NXPE2: variants seen among roughly 807,000 people sequenced by gnomAD.
The protein encoded by NXPE2 is NXPE family member 2.
Under a neutral mutation model 34.4 loss-of-function variants are expected in NXPE2, and 34 were observed. The ratio of observed to expected loss-of-function variants is 0.99; its 90% CI spans 0.75 to 1.31. The LOEUF (loss-of-function observed/expected upper bound fraction) is 1.31, where lower values mean the gene tolerates loss of function less well. Among genes scored for constraint, NXPE2 ranks in the 40% most tolerant of loss-of-function variants. NXPE2 has a pLI of 0.00. For synonymous variants in NXPE2, 235 were observed against 231.3 expected, an observed-to-expected ratio of 1.02 and a Z score of -0.15; for missense variants, 649 against 672.5, an observed-to-expected ratio of 0.97 and a Z score of 0.39.
chr11:114,670,382 TA>T, the NXPE2 span, among the ~76,000 whole-genome samples: 1 of 151,908 alleles, frequency 6.6e-6, no homozygotes, highest in Non-Finnish European at 1.5e-5. Context: ...ACTACTAAAA[TA>T]GCCCAGCCCA....
the NXPE2 span, among the ~76,000 whole-genome samples, chr11:114,515,968 G>A: frequency 6.6e-6 from 1 of 152,210 alleles, no homozygotes; most frequent in Non-Finnish European, 1.5e-5. Flanking sequence ...ATCATTCAGT[G>A]AATATGAGGC....
At chr11:114,774,892 G>C in the NXPE2 span, among the ~76,000 whole-genome samples, 1 of 152,184 alleles carries the variant, frequency 6.6e-6, no homozygotes, top group Non-Finnish European at 1.5e-5. Context: ...AGGACTGTGC[G>C]CTGGTACCTA....
chr11:114,600,588 A>G, the NXPE2 span, among the ~76,000 whole-genome samples: 1 of 152,134 alleles, frequency 6.6e-6, no homozygotes, highest in Non-Finnish European at 1.5e-5. Context: ...TGTCACAATC[A>G]TGAAAAACCA....
At chr11:114,781,241 C>T in the NXPE2 span, among the ~76,000 whole-genome samples, 45 of 152,276 alleles carry the variant, frequency 3.0e-4, no homozygotes, top group Non-Finnish European at 6.2e-4. Context: ...CTGGTCTCTA[C>T]TCATCTGCAG....
the NXPE2 span, among the ~76,000 whole-genome samples, chr11:114,508,556 T>C: frequency 3.3e-5 from 5 of 152,026 alleles, no homozygotes; most frequent in Admixed American, 6.6e-5. Flanking sequence ...CAGAGACCAA[T>C]GCCACAGAAT....
At chr11:114,685,165 A>G (rs1951023416) in intron 2 of NXPE2, among the ~76,000 whole-genome samples, 1 of 152,136 alleles carries the variant, frequency 6.6e-6, no homozygotes, top group African/African-American at 2.4e-5. Context: ...TCTTCAAAAT[A>G]TATATATTTG....
At chr11:114,774,512 C>T in the NXPE2 span, among the ~76,000 whole-genome samples, 467 of 152,320 alleles carry the variant, frequency 3.1e-3, 1 homozygote, top group African/African-American at 0.011. Flanking sequence ...GGGACGGTAA[C>T]CCTGGCAGCC....
chr11:114,497,366 C>G, the NXPE2 span, among the ~76,000 whole-genome samples: 1 of 152,108 alleles, frequency 6.6e-6, no homozygotes, highest in Non-Finnish European at 1.5e-5. Flanking sequence ...TGTCCTAGGC[C>G]TTCGCATTTA....
chr11:114,601,436 T>C, the NXPE2 span, among the ~76,000 whole-genome samples: 1 of 129,638 alleles, frequency 7.7e-6, no homozygotes, highest in Non-Finnish European at 1.6e-5. Flanking sequence ...TCTTTTTAAA[T>C]TTATGTATAT....
chr11:114,530,705 G>A, the NXPE2 span: 1 of 1,614,214 alleles, frequency 6.2e-7, no homozygotes, highest in Non-Finnish European at 8.5e-7. Flanking sequence ...TGGTGGCTGT[G>A]CTGTGTGTGG....
chr11:114,710,577 A>C (rs1859593796), downstream of NXPE2, among the ~76,000 whole-genome samples: 3 of 152,192 alleles, frequency 2.0e-5, no homozygotes, highest in Admixed American at 1.3e-4. Flanking sequence ...CCTATAACTG[A>C]GAGGACATTG....
At chr11:114,519,088 C>T in the NXPE2 span, among the ~76,000 whole-genome samples, 1 of 152,142 alleles carries the variant, frequency 6.6e-6, no homozygotes, top group African/African-American at 2.4e-5. Context: ...CATAATGTGA[C>T]CAATTGACCC....
At chr11:114,545,377 T>C in the NXPE2 span, among the ~76,000 whole-genome samples, 1 of 152,190 alleles carries the variant, frequency 6.6e-6, no homozygotes, top group African/African-American at 2.4e-5. Context: ...TGGGACAATA[T>C]TTAGCAATAA....
At chr11:114,632,957 T>C in the NXPE2 span, among the ~76,000 whole-genome samples, 3 of 102,844 alleles carry the variant, frequency 2.9e-5, no homozygotes, top group Non-Finnish European at 5.2e-5. Context: ...TGATATTTTA[T>C]ATAATTATAT....
chr11:114,519,542 T>G, the NXPE2 span, among the ~76,000 whole-genome samples: 5 of 152,318 alleles, frequency 3.3e-5, no homozygotes, highest in African/African-American at 1.2e-4. Context: ...GACAAAACAC[T>G]GTGGAAACAT....
chr11:114,630,240 G>C, the NXPE2 span, among the ~76,000 whole-genome samples: 8 of 151,860 alleles, frequency 5.3e-5, no homozygotes, highest in African/African-American at 1.7e-4. Context: ...AAAGAACAAA[G>C]CTGGAGGCAT....
the NXPE2 span, among the ~76,000 whole-genome samples, chr11:114,556,414 T>G: frequency 2.0e-5 from 3 of 152,240 alleles, no homozygotes; most frequent in Admixed American, 6.5e-5. Flanking sequence ...GTCAAAGATT[T>G]GAGAGTAGAT....
the NXPE2 span, among the ~76,000 whole-genome samples, chr11:114,639,266 C>T: frequency 9.9e-5 from 15 of 151,316 alleles, no homozygotes; most frequent in South Asian, 4.2e-4. Context: ...TAGGACCCTC[C>T]GAGCCAGGTG....
chr11:114,694,069 A>C (rs568477252), intron 2 of NXPE2, among the ~76,000 whole-genome samples: 1 of 152,326 alleles, frequency 6.6e-6, no homozygotes, highest in African/African-American at 2.4e-5. Context: ...TTTTCAGAAC[A>C]ACATGGAGTG....
Sources: gnomAD v4.1 joint callset for allele counts (sites outside exome capture counted in the v4.1 genomes callset) on GRCh38, gnomAD v4.1.1 for gene constraint, MANE v1.5 for transcripts, NCBI Gene and HGNC (gene_info 2026-07-23, HGNC 2026-07-21) for gene names.